INSR: variants seen among roughly 807,000 people sequenced by gnomAD.
INSR encodes insulin receptor.
Under a neutral mutation model 142.6 loss-of-function variants are expected in INSR, and 67 were observed. The observed-to-expected ratio is 0.47, with a 90% confidence interval of 0.39 to 0.58. The LOEUF is 0.58. Among genes scored for constraint, INSR ranks in the 20% least tolerant of loss-of-function variants. INSR has a pLI of 0.00. For missense variants in INSR, 1,248 were observed against 1,833.2 expected (o/e 0.68, Z 5.83); for synonymous variants, 756 against 743.1 (o/e 1.02, Z -0.28).
At chr19:7,239,942 TGG>T (rs1976289646) in intron 2 of INSR, among the ~76,000 whole-genome samples, 1 of 152,220 alleles carries the variant, frequency 6.6e-6, no homozygotes, top group Non-Finnish European at 1.5e-5. Flanking sequence ...TTTTGTTTTT[TGG>T]TTTTTTTTGA....
chr19:7,283,421 C>T (rs1023591008), intron 1 of INSR, among the ~76,000 whole-genome samples: 5 of 152,092 alleles, frequency 3.3e-5, no homozygotes, highest in African/African-American at 4.8e-5. Context: ...CGGAAAATGA[C>T]AAACCCACAG....
chr19:7,130,628 C>T (rs566212318), intron 14 of INSR, among the ~76,000 whole-genome samples: 50 of 152,266 alleles, frequency 3.3e-4, no homozygotes, highest in Non-Finnish European at 6.3e-4. Flanking sequence ...CTTCACCTTC[C>T]ACCATGATTG....
intron 2 of INSR, among the ~76,000 whole-genome samples, chr19:7,230,984 A>G (rs896824458): frequency 2.0e-5 from 3 of 152,178 alleles, no homozygotes; most frequent in Admixed American, 1.3e-4. Context: ...GCGCGTGTCT[A>G]CAGCGGAGCT....
chr19:7,174,686 G>A lies in INSR; in HGVS notation c.1020C>T (p.His340=). 2 of 1,614,082 alleles carry A rather than the reference G, an allele frequency of 1.2e-6. No homozygotes were observed. The highest frequency in any genetic ancestry group is 8.5e-7 in the Non-Finnish European group (1 of 1,179,998). Residue 340 remains histidine, a synonymous_variant, in exon 4 of 22, where the codon CAC becomes CAT. Transcript: ENST00000302850. The stretch of plus-strand genomic sequence containing the variant: ...CGATGGTCTTCTCGCCTTCTAGGAG[G>A]TGGCACACCTTGGGACAGGGACCCA... ...PCLGPCPKVC[H]LLEGEKTIDS... is the part of the protein sequence containing the mutation.
At position 7,267,989 on chromosome 19, in the gene INSR, G is replaced by A. The variant is rs1967792766; in HGVS notation, c.101-93C>T. On this transcript the variant is annotated intron_variant, in intron 1 of 21. Coordinates refer to ENST00000302850, the MANE Select transcript of INSR (RefSeq NM_000208.4). This position sits in a 1 kb window ranked among gnomAD's most constrained non-coding sequence, Gnocchi z 6.3. ...AGGGGCAGAGCCGGCTTCATGGACA[G>A]GAAACCTGGGCCCTGTGTTTTCATC... 1.9e-6 allele frequency: 2 copies of A among 1,068,440 alleles called. No individual in the cohort carries two copies. The highest frequency in any genetic ancestry group is 2.7e-5 in the South Asian group (2 of 74,210). 66.2% of individuals were successfully genotyped at this position (1,068,440 alleles called of 1,614,324 possible).
intron 2 of INSR, among the ~76,000 whole-genome samples, chr19:7,213,360 C>A (rs71177172): frequency 0.035 from 2,782 of 78,738 alleles, 87 homozygotes; most frequent in East Asian, 0.12. Flanking sequence ...AAAAAAAAAA[C>A]AAACAAAAAA....
intron 15 of INSR, among the ~76,000 whole-genome samples, chr19:7,128,606 G>A (rs969613277): frequency 2.6e-5 from 4 of 151,398 alleles, no homozygotes; most frequent in African/African-American, 9.7e-5. Flanking sequence ...GGTTAGCTTC[G>A]GATATAAAGG....
rs773111548 is a variant in INSR at position 7,152,993 on chromosome 19, A to ACC, written c.2030-67_2030-66insGG. The ACC allele has an allele frequency of 1.4e-4, 99 of 690,316 alleles. 3 individuals are homozygous for ACC. The highest frequency in any genetic ancestry group is 1.9e-4 in the South Asian group (10 of 52,184). 42.8% of individuals were successfully genotyped at this position (690,316 alleles called of 1,614,324 possible). A position where few individuals can be genotyped will look rare whatever the true frequency, so the allele number is the denominator to read the frequency against. Reference sequence around the variant, plus strand: ...GCTGAACACACATACACACACACACACACCCCACACACACACACACCACAC... The same window carrying ACC: ...GCTGAACACACATACACACACACACACCCACCCCACACACACACACACCACAC... On this transcript the variant is annotated intron_variant, in intron 9 of 21. Coordinates refer to ENST00000302850, the MANE Select transcript of INSR (RefSeq NM_000208.4).
At chr19:7,170,801 A>T in intron 5 of INSR, 50 bp from the exon 6 acceptor site, 2 of 1,413,886 alleles carry the variant, frequency 1.4e-6, no homozygotes, top group Non-Finnish European at 2.0e-6. Context: ...GTCTTCTACA[A>T]CTCCAAGATG....
chr19:7,141,560 T>C lies in INSR; in HGVS notation c.2682+117A>G, dbSNP rs1278728143. On this transcript the variant is annotated intron_variant, in intron 13 of 21. Transcript: ENST00000302850. The stretch of plus-strand genomic sequence containing the variant: ...AAGGCTTTAAGTACTAATAGCACAG[T>C]ACCTGATGAGAGAAGCACTGGAATC... The C allele has an allele frequency of 4.1e-6, 6 of 1,447,416 alleles. No homozygotes were observed. The Admixed American group carries it at 5.9e-5, about 14-fold the overall frequency. The allele number at this position is 1,447,416 out of a possible 1,614,324, so 89.7% of individuals were successfully genotyped here. A position where few individuals can be genotyped will look rare whatever the true frequency, so the allele number is the denominator to read the frequency against.
intron 1 of INSR, among the ~76,000 whole-genome samples, chr19:7,269,959 G>C (rs775542114): frequency 3.3e-5 from 5 of 151,990 alleles, no homozygotes; most frequent in Non-Finnish European, 5.9e-5. Context: ...AATTCTTGTG[G>C]GGTTTTTGTT....
chr19:7,161,906 G>T (rs72996172), intron 9 of INSR, among the ~76,000 whole-genome samples: 10,689 of 152,236 alleles, frequency 0.07, 520 homozygotes, highest in Non-Finnish European at 0.11. Flanking sequence ...GTATGAGCCG[G>T]TCATAGTGGC....
intron 3 of INSR, among the ~76,000 whole-genome samples, chr19:7,178,243 T>TGG (rs754976117): frequency 1.1e-3 from 54 of 47,320 alleles, no homozygotes; most frequent in East Asian, 2.0e-3. Flanking sequence ...GGGTGACTTG[T>TGG]GGGGGGGGGG....
chr19:7,283,728 C>T (rs1968269563), intron 1 of INSR, among the ~76,000 whole-genome samples: 1 of 152,178 alleles, frequency 6.6e-6, no homozygotes, highest in Admixed American at 6.6e-5. Context: ...GTATGAGCCA[C>T]AGATTCACCA....
At chr19:7,193,380 C>T (rs1174247391) in intron 2 of INSR, among the ~76,000 whole-genome samples, 2 of 151,856 alleles carry the variant, frequency 1.3e-5, no homozygotes, top group Admixed American at 1.3e-4. Flanking sequence ...AGCATGGTGT[C>T]GCGCACCTGT....
intron 9 of INSR, among the ~76,000 whole-genome samples, chr19:7,157,143 G>A (rs1461943486): frequency 6.6e-6 from 1 of 152,286 alleles, no homozygotes; most frequent in South Asian, 2.1e-4. Flanking sequence ...ACCATGCCCG[G>A]CTAATTTTGT....
intron 8 of INSR, among the ~76,000 whole-genome samples, chr19:7,165,811 C>T (rs1266171553): frequency 3.3e-5 from 5 of 150,234 alleles, no homozygotes; most frequent in Non-Finnish European, 5.9e-5. Context: ...TGCAGTGAGC[C>T]GAGATCATGC....
At chr19:7,268,369 G>A (rs1200485527) in intron 1 of INSR, 28 of 923,306 alleles carry the variant, frequency 3.0e-5, no homozygotes, top group Middle Eastern at 5.5e-4. Context: ...TTTCCTTCCC[G>A]GACTGCTCTC....
In INSR at chr19:7,260,628, C is replaced by T. The variant is rs1257997101; in HGVS notation, c.652+6717G>A. Among the ~76,000 whole-genome samples, 6 of 152,108 alleles carry T rather than the reference C, an allele frequency of 3.9e-5. 1 individual carries two copies. Among genetic ancestry groups the T allele is most frequent in the Non-Finnish European group, 1.5e-5 (1 of 68,032 alleles). ...GCCCTGGTAGATATTCACCTGGAAG[C>T]TAGTCTGCCCAGATAGGGTGGGCCC... is the stretch of plus-strand genomic sequence containing the variant. On this transcript the variant is annotated intron_variant, in intron 2 of 21. Coordinates refer to ENST00000302850, the MANE Select transcript of INSR (RefSeq NM_000208.4).
Sources: allele counts gnomAD v4.1 joint callset (sites outside exome capture counted in the v4.1 genomes callset), GRCh38; gene constraint gnomAD v4.1.1; non-coding constraint Gnocchi (gnomAD v3.1); transcripts MANE v1.5; gene names NCBI Gene and HGNC (gene_info 2026-07-23, HGNC 2026-07-21).